Variants in SCHIP1 observed in about 807,000 individuals in gnomAD.
SCHIP1 encodes schwannomin interacting protein 1, also known as schwannomin-interacting protein 1.
A neutral mutation model predicts 29.7 loss-of-function variants in SCHIP1; 8 were observed. That is an observed-to-expected ratio of 0.27 (90% CI 0.16 to 0.49). The LOEUF is 0.49. Among genes scored for constraint, SCHIP1 ranks in the 20% least tolerant of loss-of-function variants. The probability of loss-of-function intolerance (pLI) is 0.99; values close to 1 mark genes in which losing one functional copy is unlikely to be tolerated. For synonymous variants in SCHIP1, 76 were observed against 94.9 expected (o/e 0.80, Z 1.16); for missense variants, 193 against 294.6 (o/e 0.66, Z 2.52).
chr3:159,749,184 T>C, the SCHIP1 span, among the ~76,000 whole-genome samples: 4 of 151,814 alleles, frequency 2.6e-5, no homozygotes, highest in African/African-American at 9.7e-5. Context: ...AGGAAATGTA[T>C]GCAACTGTAG....
chr3:159,856,047 G>A (rs1713318720), intron 1 of SCHIP1, among the ~76,000 whole-genome samples: 2 of 152,194 alleles, frequency 1.3e-5, no homozygotes, highest in South Asian at 4.1e-4. Context: ...GAAGAAAAGT[G>A]CAGACCTTAG....
At chr3:159,749,529 C>T in the SCHIP1 span, among the ~76,000 whole-genome samples, 73 of 152,266 alleles carry the variant, frequency 4.8e-4, no homozygotes, top group African/African-American at 1.5e-3. Context: ...GCTCCCAGCT[C>T]CCATCTTGCA....
At chr3:159,764,749 G>A in the SCHIP1 span, 7 of 1,572,772 alleles carry the variant, frequency 4.5e-6, no homozygotes, top group Non-Finnish European at 5.2e-6. This position sits in a 1 kb window ranked among gnomAD's most constrained non-coding sequence, Gnocchi z 6.1. Context: ...GGAACCGGGG[G>A]ACGTAAGCGC....
the SCHIP1 span, among the ~76,000 whole-genome samples, chr3:159,732,724 G>A: frequency 6.6e-6 from 1 of 152,178 alleles, no homozygotes. Context: ...AGATAAGACC[G>A]TGGAGGGATA....
At chr3:159,713,426 A>G in the SCHIP1 span, among the ~76,000 whole-genome samples, 1 of 152,242 alleles carries the variant, frequency 6.6e-6, no homozygotes, top group Non-Finnish European at 1.5e-5. Flanking sequence ...CAGTTCATAT[A>G]TGAATAACAG....
At chr3:159,300,690 T>C in the SCHIP1 span, among the ~76,000 whole-genome samples, 11 of 152,336 alleles carry the variant, frequency 7.2e-5, no homozygotes, top group Non-Finnish European at 1.3e-4. Flanking sequence ...GTCCTGCTTA[T>C]TTTGAAAGAG....
chr3:159,337,324 A>G, the SCHIP1 span, among the ~76,000 whole-genome samples: 118 of 152,228 alleles, frequency 7.8e-4, 1 homozygote, highest in African/African-American at 2.4e-3. Flanking sequence ...CCTATTCAAC[A>G]TAGTGTTGGA....
the SCHIP1 span, among the ~76,000 whole-genome samples, chr3:159,640,519 T>A: frequency 6.6e-6 from 1 of 152,122 alleles, no homozygotes; most frequent in East Asian, 1.9e-4. Flanking sequence ...CCAGATTAGA[T>A]TCAGTATGAG....
the SCHIP1 span, among the ~76,000 whole-genome samples, chr3:159,668,108 G>A: frequency 6.6e-6 from 1 of 151,966 alleles, no homozygotes; most frequent in African/African-American, 2.4e-5. Context: ...AGTGGCTCAC[G>A]CCTGTAATCC....
chr3:159,863,068 A>G (rs765420398), intron 1 of SCHIP1, among the ~76,000 whole-genome samples: 3 of 152,222 alleles, frequency 2.0e-5, no homozygotes, highest in Non-Finnish European at 4.4e-5. Context: ...CTGGTCAGGC[A>G]TGGTGGCTCA....
the SCHIP1 span, among the ~76,000 whole-genome samples, chr3:159,828,099 T>C: frequency 6.6e-6 from 1 of 151,408 alleles, no homozygotes; most frequent in Non-Finnish European, 1.5e-5. Flanking sequence ...AAACTCATGA[T>C]ATAAAATGAA....
chr3:159,476,981 T>G, the SCHIP1 span, among the ~76,000 whole-genome samples: 2 of 152,140 alleles, frequency 1.3e-5, no homozygotes, highest in African/African-American at 4.8e-5. Flanking sequence ...GTAACCATCA[T>G]TCTACTCTAC....
the SCHIP1 span, among the ~76,000 whole-genome samples, chr3:159,430,031 C>A: frequency 6.6e-6 from 1 of 152,042 alleles, no homozygotes; most frequent in African/African-American, 2.4e-5. Context: ...ACTCTCAGTT[C>A]CCCCCATTCC....
At chr3:159,504,088 C>T in the SCHIP1 span, among the ~76,000 whole-genome samples, 1 of 152,140 alleles carries the variant, frequency 6.6e-6, no homozygotes, top group Non-Finnish European at 1.5e-5. Context: ...TTTTGGAACT[C>T]TATCTCTCAG....
At chr3:159,465,489 A>G in the SCHIP1 span, among the ~76,000 whole-genome samples, 68 of 152,206 alleles carry the variant, frequency 4.5e-4, no homozygotes, top group African/African-American at 1.5e-3. Context: ...ATATGTGGCT[A>G]TGTGGTGGAG....
chr3:159,295,971 CAA>C, the SCHIP1 span, among the ~76,000 whole-genome samples: 2 of 151,958 alleles, frequency 1.3e-5, no homozygotes, highest in Admixed American at 6.6e-5. Flanking sequence ...AAAGAAGAAA[CAA>C]GAGTAGAAAC....
the SCHIP1 span, among the ~76,000 whole-genome samples, chr3:159,536,056 A>G: frequency 3.9e-5 from 6 of 152,216 alleles, no homozygotes; most frequent in African/African-American, 1.4e-4. Context: ...GTGCTAGCTC[A>G]ATAGCCATAT....
At chr3:159,396,231 G>A in the SCHIP1 span, among the ~76,000 whole-genome samples, 2 of 151,244 alleles carry the variant, frequency 1.3e-5, no homozygotes, top group African/African-American at 4.9e-5. Flanking sequence ...CTTGAGATGG[G>A]TTTCCTGAAT....
At chr3:159,763,967 G>C in the SCHIP1 span, 2 of 151,430 alleles carry the variant, frequency 1.3e-5, no homozygotes, top group African/African-American at 2.5e-5. Context: ...GGGCCGGGCC[G>C]GGCCGGGCCG....
Sources: allele counts gnomAD v4.1 joint callset (sites outside exome capture counted in the v4.1 genomes callset), GRCh38; gene constraint gnomAD v4.1.1; non-coding constraint Gnocchi (gnomAD v3.1); transcripts MANE v1.5; gene names NCBI Gene and HGNC (gene_info 2026-07-23, HGNC 2026-07-21).